The following RASSF6 variants were observed in gnomAD, a reference collection of about 807,000 sequenced individuals.
The protein encoded by RASSF6 is ras association domain-containing protein 6.
A neutral mutation model predicts 44.0 loss-of-function variants in RASSF6; 52 were observed. The ratio of observed to expected loss-of-function variants is 1.18; its 90% CI spans 0.95 to 1.49. The LOEUF is 1.49. Among genes scored for constraint, RASSF6 ranks in the 40% most tolerant of loss-of-function variants. The pLI, the probability that RASSF6 is intolerant of heterozygous loss-of-function variation, is 0.00. For synonymous variants in RASSF6, 162 were observed against 124.6 expected (o/e 1.30, Z -2.00); for missense variants, 464 against 393.3 (o/e 1.18, Z -1.52).
intron 2 of RASSF6, among the ~76,000 whole-genome samples, chr4:73,606,471 C>T (rs1016326373): frequency 5.9e-5 from 9 of 152,122 alleles, no homozygotes; most frequent in Admixed American, 2.0e-4. Flanking sequence ...GATACTATGC[C>T]GACTACTGGG....
At chr4:73,605,756 CT>C (rs1560457991) in intron 2 of RASSF6, among the ~76,000 whole-genome samples, 1 of 152,106 alleles carries the variant, frequency 6.6e-6, no homozygotes, top group African/African-American at 2.4e-5. Flanking sequence ...GGATTTTTCC[CT>C]TTTTTCTGCA....
chr4:73,617,395 G>A (rs1726432307), intron 1 of RASSF6, among the ~76,000 whole-genome samples: 1 of 152,204 alleles, frequency 6.6e-6, no homozygotes, highest in African/African-American at 2.4e-5. Context: ...AGGCACTTAA[G>A]GCATCTTGCC....
At position 73,611,839 on chromosome 4, in the gene RASSF6, A is replaced by C. The variant is rs753695821; in HGVS notation, c.-34-10T>G. ...ATGGTCTGAGGATATCCTAAACATG[A>C]GAATAATATTAATGATTTGTTCCTA... On this transcript the variant is annotated splice_polypyrimidine_tract_variant and intron_variant, in intron 1 of 10. Transcript: ENST00000307439. The C allele has an allele frequency of 6.5e-7, 1 of 1,532,884 alleles. No homozygotes were observed. The allele number at this position is 1,532,884 out of a possible 1,614,324, so 95.0% of individuals were successfully genotyped here.
chr4:73,595,276 TC>T (rs1296867787), intron 3 of RASSF6, among the ~76,000 whole-genome samples: 2 of 152,156 alleles, frequency 1.3e-5, no homozygotes, highest in Admixed American at 1.3e-4. Flanking sequence ...CTTACTGCAA[TC>T]CCCACCTCCT....
At chr4:73,592,870 G>A (rs1257975997) in intron 4 of RASSF6, among the ~76,000 whole-genome samples, 1 of 152,172 alleles carries the variant, frequency 6.6e-6, no homozygotes. Context: ...AGAAGTAGCA[G>A]AGCAGAGGAG....
chr4:73,594,233 A>G (rs1724777454), intron 3 of RASSF6, among the ~76,000 whole-genome samples: 1 of 152,264 alleles, frequency 6.6e-6, no homozygotes, highest in African/African-American at 2.4e-5. Context: ...CATTATATAT[A>G]TGAAAGTGCT....
chr4:73,586,022 A>G (rs930623219), intron 5 of RASSF6, among the ~76,000 whole-genome samples: 3 of 120,936 alleles, frequency 2.5e-5, no homozygotes, highest in East Asian at 5.0e-4. Flanking sequence ...AGTTCTTTGG[A>G]GCTTTTCCTA....
Position 73,573,921 on chromosome 4 carries a change from C to G in RASSF6, c.*2314G>C, listed in dbSNP as rs1288247602. ...GAGACACACTGCAAGAGGAAGGGGT[C>G]TTTCCTGATTCCTCCAGGCTGACAG... is the stretch of plus-strand genomic sequence containing the variant. On this transcript the variant is annotated 3_prime_UTR_variant, in exon 11 of 11. Coordinates refer to ENST00000307439, the MANE Select transcript of RASSF6 (RefSeq NM_177532.5). 6.6e-6 allele frequency: 1 copy of G among 152,262 alleles called. No individual in the cohort carries two copies. The highest frequency in any genetic ancestry group is 1.5e-5 in the Non-Finnish European group (1 of 68,086). 9.4% of individuals were successfully genotyped at this position (152,262 alleles called of 1,614,324 possible).
At chr4:73,602,136 T>C (rs777416040) in intron 2 of RASSF6, among the ~76,000 whole-genome samples, 23 of 152,236 alleles carry the variant, frequency 1.5e-4, no homozygotes, top group Non-Finnish European at 7.3e-5. Context: ...GAATGCAACA[T>C]GTAAAATGGG....
chr4:73,575,022 A>C lies in RASSF6; in HGVS notation c.*1213T>G, dbSNP rs1454930960. ...CTTAGGCTTGAAAAGGCCATAGCAC[A>C]CTTTCACCTTCAACCAGTTTAGGTT... On this transcript the variant is annotated 3_prime_UTR_variant, in exon 11 of 11. Coordinates refer to ENST00000307439, the MANE Select transcript of RASSF6 (RefSeq NM_177532.5). The C allele has an allele frequency of 6.6e-6, 1 of 152,180 alleles. No homozygotes were observed. The highest frequency in any genetic ancestry group is 1.5e-5 in the Non-Finnish European group (1 of 68,028). The allele number at this position is 152,180 out of a possible 1,614,324, so 9.4% of individuals were successfully genotyped here.
intron 1 of RASSF6, among the ~76,000 whole-genome samples, chr4:73,616,461 C>T (rs913340335): frequency 2.0e-5 from 3 of 151,858 alleles, no homozygotes; most frequent in African/African-American, 7.3e-5. Flanking sequence ...ATTTTTGTGT[C>T]TTCTAAAGTG....
Position 73,581,879 on chromosome 4 carries a change from A to T in RASSF6, c.670-11T>A. The T allele has an allele frequency of 6.2e-7, 1 of 1,600,924 alleles. No individual in the cohort carries two copies. Among genetic ancestry groups the T allele is most frequent in the Middle Eastern group, 1.7e-4 (1 of 6,020 alleles). ...GGGACTATTTTCAATCTGTCAAGGG[A>T]AAAAATGAACAAATATAAATTCTTT... On this transcript the variant is annotated splice_polypyrimidine_tract_variant and intron_variant, in intron 7 of 10. Coordinates refer to ENST00000307439, the MANE Select transcript of RASSF6 (RefSeq NM_177532.5).
At chr4:73,577,460 C>T (rs776463282) in intron 8 of RASSF6, among the ~76,000 whole-genome samples, 4 of 152,142 alleles carry the variant, frequency 2.6e-5, no homozygotes, top group Non-Finnish European at 4.4e-5. Flanking sequence ...TTATATTCAT[C>T]TTATTTCCTC....
At position 73,576,119 on chromosome 4, in the gene RASSF6, T is replaced by G. The variant is rs1723189270; in HGVS notation, c.*116A>C. On this transcript the variant is annotated 3_prime_UTR_variant, in exon 11 of 11. Transcript: ENST00000307439. ...ATGAGCTTTTTTTGACATTCAATTT[T>G]CTACGATTCAAGTCTCATATATGTT... is the stretch of plus-strand genomic sequence containing the variant. 8.8e-6 allele frequency: 5 copies of G among 569,924 alleles called. No homozygotes were observed. The highest frequency in any genetic ancestry group is 1.5e-5 in the Non-Finnish European group (5 of 333,618). The allele number at this position is 569,924 out of a possible 1,614,324, so 35.3% of individuals were successfully genotyped here. A position where few individuals can be genotyped will look rare whatever the true frequency, so the allele number is the denominator to read the frequency against.
At chr4:73,579,987 G>A (rs1355264212) in intron 8 of RASSF6, among the ~76,000 whole-genome samples, 1 of 150,298 alleles carries the variant, frequency 6.7e-6, no homozygotes, top group Non-Finnish European at 1.5e-5. Flanking sequence ...TCGTCATCTA[G>A]CATTAGGTGT....
intron 1 of RASSF6, among the ~76,000 whole-genome samples, chr4:73,619,117 A>G (rs1256289317): frequency 6.6e-6 from 1 of 152,244 alleles, no homozygotes; most frequent in Non-Finnish European, 1.5e-5. Context: ...GTCTAAATTG[A>G]TGAAAGTTAT....
At chr4:73,595,297 G>A (rs1724856556) in intron 3 of RASSF6, among the ~76,000 whole-genome samples, 1 of 152,202 alleles carries the variant, frequency 6.6e-6, no homozygotes, top group East Asian at 1.9e-4. Context: ...TGGTTCAGGT[G>A]ATTCTCCTGT....
At chr4:73,583,441 A>G (rs1723826002) in intron 6 of RASSF6, among the ~76,000 whole-genome samples, 1 of 152,144 alleles carries the variant, frequency 6.6e-6, no homozygotes, top group Admixed American at 6.6e-5. Flanking sequence ...TATATTCACC[A>G]TAACTAATCT....
intron 4 of RASSF6, among the ~76,000 whole-genome samples, chr4:73,591,997 C>T (rs1356145458): frequency 6.6e-6 from 1 of 151,712 alleles, no homozygotes; most frequent in Non-Finnish European, 1.5e-5. Context: ...TTCAGTGAGC[C>T]TCGTATAGAC....
Sources: gnomAD v4.1 joint callset for allele counts (sites outside exome capture counted in the v4.1 genomes callset) on GRCh38, gnomAD v4.1.1 for gene constraint, MANE v1.5 for transcripts, NCBI Gene and HGNC (gene_info 2026-07-23, HGNC 2026-07-21) for gene names.